TMEM178B: variants seen among roughly 807,000 people sequenced by gnomAD.
TMEM178B encodes the protein transmembrane protein 178B.
TMEM178B carries 5 observed loss-of-function variants against 31.0 expected under a neutral mutation model. The ratio of observed to expected loss-of-function variants is 0.16; its 90% CI spans 0.08 to 0.34. TMEM178B has a LOEUF of 0.34. TMEM178B is among the 10% of genes least tolerant of loss of function. The probability of loss-of-function intolerance (pLI) is 1.00; values close to 1 mark genes in which losing one functional copy is unlikely to be tolerated. For missense variants in TMEM178B, 275 were observed against 400.3 expected (o/e 0.69, Z 2.67); for synonymous variants, 164 against 164.0 (o/e 1.00, Z 0.00).
At chr7:141,132,545 C>G (rs1795610550) in intron 1 of TMEM178B, among the ~76,000 whole-genome samples, 1 of 152,152 alleles carries the variant, frequency 6.6e-6, no homozygotes, top group South Asian at 2.1e-4. Flanking sequence ...GAAATAGCCT[C>G]TGAAACCCAC....
chr7:141,255,909 C>T (rs1305605553), intron 2 of TMEM178B, among the ~76,000 whole-genome samples: 2 of 152,150 alleles, frequency 1.3e-5, no homozygotes, highest in Non-Finnish European at 2.9e-5. Context: ...ATCGAGAGAA[C>T]TGTGGTCTCT....
At chr7:141,078,821 A>G (rs531716480) in intron 1 of TMEM178B, among the ~76,000 whole-genome samples, 1 of 151,048 alleles carries the variant, frequency 6.6e-6, no homozygotes, top group Non-Finnish European at 1.5e-5. Flanking sequence ...GTGGAACAGC[A>G]GTTTGGCCTT....
intron 2 of TMEM178B, among the ~76,000 whole-genome samples, chr7:141,358,173 C>T (rs925528912): frequency 6.6e-6 from 1 of 152,170 alleles, no homozygotes; most frequent in African/African-American, 2.4e-5. Flanking sequence ...TGGTCCCTAG[C>T]AGCACACTGG....
intron 2 of TMEM178B, among the ~76,000 whole-genome samples, chr7:141,237,008 A>G (rs1427793225): frequency 6.6e-6 from 1 of 152,266 alleles, no homozygotes; most frequent in Non-Finnish European, 1.5e-5. Flanking sequence ...GCAAAGAGAA[A>G]TGGACATTTC....
chr7:141,123,232 G>A (rs1795437612), intron 1 of TMEM178B, among the ~76,000 whole-genome samples: 1 of 152,202 alleles, frequency 6.6e-6, no homozygotes, highest in Admixed American at 6.5e-5. Flanking sequence ...ATAAGGCTGG[G>A]AAGACAACAC....
Position 141,307,142 on chromosome 7 carries a change from C to A in TMEM178B, c.496+94438C>A, listed in dbSNP as rs1254489813. Among the ~76,000 whole-genome samples the A allele has an allele frequency of 4.7e-5, 7 of 149,266 alleles. No individual in the cohort carries two copies. The Admixed American group carries it at 4.7e-4, about 10-fold the overall frequency. Reference sequence around the variant, plus strand: ...TCAGATATTGATTGATTGGCTAAATCATAGAAATTGGGGATGTTGGTACCA... The same window carrying A: ...TCAGATATTGATTGATTGGCTAAATAATAGAAATTGGGGATGTTGGTACCA... On this transcript the variant is annotated intron_variant, in intron 2 of 3. Transcript: ENST00000565468.
At chr7:141,350,677 G>T (rs940163548) in intron 2 of TMEM178B, among the ~76,000 whole-genome samples, 7 of 152,090 alleles carry the variant, frequency 4.6e-5, no homozygotes, top group African/African-American at 1.7e-4. Context: ...TGTTTACCAG[G>T]TTAAATTTTT....
At chr7:141,162,916 G>T (rs997013020) in intron 1 of TMEM178B, among the ~76,000 whole-genome samples, 1 of 152,224 alleles carries the variant, frequency 6.6e-6, no homozygotes, top group Non-Finnish European at 1.5e-5. Flanking sequence ...TCCATTTCCT[G>T]TAGAACGTTT....
At chr7:141,200,271 G>T (rs1796854373) in intron 1 of TMEM178B, among the ~76,000 whole-genome samples, 1 of 152,144 alleles carries the variant, frequency 6.6e-6, no homozygotes, top group South Asian at 2.1e-4. Flanking sequence ...CTGGTTGCCG[G>T]GGGAGACAGG....
intron 2 of TMEM178B, among the ~76,000 whole-genome samples, chr7:141,254,460 G>A (rs185878760): frequency 7.5e-4 from 114 of 152,302 alleles, no homozygotes; most frequent in African/African-American, 2.6e-3. Flanking sequence ...GCTCACACCT[G>A]TAATCCCAGC....
intron 2 of TMEM178B, among the ~76,000 whole-genome samples, chr7:141,431,453 C>T (rs1168336499): frequency 6.6e-6 from 1 of 152,148 alleles, no homozygotes; most frequent in Non-Finnish European, 1.5e-5. Flanking sequence ...TCCACCTTCC[C>T]TCATTATCAA....
intron 1 of TMEM178B, among the ~76,000 whole-genome samples, chr7:141,182,926 A>G (rs1446702975): frequency 2.6e-5 from 4 of 152,214 alleles, no homozygotes; most frequent in African/African-American, 9.7e-5. Context: ...AGTCTCGAGT[A>G]TGTGTTTATT....
chr7:141,251,119 G>A (rs1482275772), intron 2 of TMEM178B, among the ~76,000 whole-genome samples: 1 of 151,962 alleles, frequency 6.6e-6, no homozygotes, highest in Non-Finnish European at 1.5e-5. Context: ...GGGCCCTGAG[G>A]ATACAGTGAT....
intron 2 of TMEM178B, among the ~76,000 whole-genome samples, chr7:141,283,177 G>A (rs1798393420): frequency 6.6e-6 from 1 of 152,184 alleles, no homozygotes; most frequent in Admixed American, 6.5e-5. Flanking sequence ...TTTCCCAAAT[G>A]CACTGGCTCT....
At chr7:141,160,107 C>T (rs1006615443) in intron 1 of TMEM178B, among the ~76,000 whole-genome samples, 5 of 150,462 alleles carry the variant, frequency 3.3e-5, no homozygotes, top group African/African-American at 7.3e-5. Flanking sequence ...TGTTTGGTTA[C>T]GCGGATGTTA....
intron 3 of TMEM178B, among the ~76,000 whole-genome samples, chr7:141,469,444 A>G (rs182946508): frequency 8.4e-4 from 128 of 152,314 alleles, no homozygotes; most frequent in African/African-American, 2.9e-3. Flanking sequence ...TCTTAAAGAA[A>G]CAAGTCTCAA....
In TMEM178B at chr7:141,475,281, T is replaced by C. The variant is rs1802342400; in HGVS notation, c.*4495T>C. 1 of 152,206 alleles carries C rather than the reference T, an allele frequency of 6.6e-6. No individual in the cohort carries two copies. The highest frequency in any genetic ancestry group is 1.5e-5 in the Non-Finnish European group (1 of 68,036). 9.4% of individuals were successfully genotyped at this position (152,206 alleles called of 1,614,324 possible). On this transcript the variant is annotated 3_prime_UTR_variant, in exon 4 of 4. Transcript: ENST00000565468. ...GACATACACACGTGATTCTCGTGTC[T>C]GTCTCTCAAAGCTCTCAATGTCTGG...
chr7:141,217,402 A>G (rs922736088), intron 2 of TMEM178B, among the ~76,000 whole-genome samples: 2 of 152,174 alleles, frequency 1.3e-5, no homozygotes, highest in African/African-American at 4.8e-5. Context: ...CTGAGAAAAC[A>G]GGGGATGGGA....
chr7:141,373,023 C>G (rs1800146864), intron 2 of TMEM178B, among the ~76,000 whole-genome samples: 1 of 152,326 alleles, frequency 6.6e-6, no homozygotes, highest in Non-Finnish European at 1.5e-5. Flanking sequence ...ACCGCTGGCT[C>G]AGACACTTAG....
Sources: allele counts gnomAD v4.1 joint callset (sites outside exome capture counted in the v4.1 genomes callset), GRCh38; gene constraint gnomAD v4.1.1; transcripts MANE v1.5; gene names NCBI Gene and HGNC (gene_info 2026-07-23, HGNC 2026-07-21).